The following KNTC1 variants were observed in gnomAD, a reference collection of about 807,000 sequenced individuals.
The protein encoded by KNTC1 is kinetochore-associated protein 1.
A neutral mutation model predicts 314.4 loss-of-function variants in KNTC1; 253 were observed. The observed-to-expected ratio is 0.80, with a 90% CI of 0.73 to 0.89. KNTC1 has a LOEUF of 0.89. Ranked by LOEUF, KNTC1 falls within the 40% of genes least tolerant of loss-of-function variation. KNTC1 has a pLI of 0.00. For missense variants in KNTC1, 2,475 were observed against 2,572.9 expected (o/e 0.96, Z 0.82); for synonymous variants, 901 against 901.4 (o/e 1.00, Z 0.01).
At chr12:122,569,100 A>G (rs1255050876) in intron 21 of KNTC1, among the ~76,000 whole-genome samples, 1 of 152,194 alleles carries the variant, frequency 6.6e-6, no homozygotes, top group African/African-American at 2.4e-5. Context: ...AATAATCTGT[A>G]CAACAAACCC....
intron 42 of KNTC1, among the ~76,000 whole-genome samples, chr12:122,591,814 C>T (rs1270515914): frequency 6.6e-6 from 1 of 152,188 alleles, no homozygotes; most frequent in Non-Finnish European, 1.5e-5. Flanking sequence ...GTATATACAG[C>T]TATATACCAT....
intron 30 of KNTC1, among the ~76,000 whole-genome samples, 153 bp from the exon 31 acceptor site, chr12:122,577,519 T>A (rs1317127660): frequency 3.9e-5 from 6 of 152,146 alleles, no homozygotes; most frequent in African/African-American, 1.4e-4. Context: ...TAAAATAAAA[T>A]AAAAATGGAT....
At chr12:122,544,120 T>C (rs771183791) in intron 7 of KNTC1, 39 bp from the exon 8 acceptor site, 12 of 809,020 alleles carry the variant, frequency 1.5e-5, no homozygotes, top group Non-Finnish European at 2.2e-5. Context: ...AGCATAAATA[T>C]GTATTATATA....
chr12:122,618,262 G>C (rs1211562607), intron 57 of KNTC1, 81 bp from the exon 58 acceptor site: 2 of 1,241,336 alleles, frequency 1.6e-6, no homozygotes, highest in South Asian at 1.3e-5. Flanking sequence ...GTGAGCCACC[G>C]CGCCTGGCCT....
rs541055107 is a variant in KNTC1, at chr12:122,622,603, T to C, written c.6511T>C (p.Leu2171=). The C allele has an allele frequency of 2.7e-6, 4 of 1,507,426 alleles. No individual in the cohort carries two copies. The highest frequency in any genetic ancestry group is 2.6e-5 in the Admixed American group (1 of 38,074). The allele number at this position is 1,507,426 out of a possible 1,614,324, so 93.4% of individuals were successfully genotyped here. A position where few individuals can be genotyped will look rare whatever the true frequency, so the allele number is the denominator to read the frequency against. ...TELVNYLAND[L]SLDEASVLIT... ...GCTAGTGAACTATTTGGCAAATGAC[T>C]TAAGGTAAGTTAATTAAAAAAAAAA... Residue 2171 remains leucine (L), a synonymous_variant, in exon 62 of 64, where the codon TTA becomes CTA. Coordinates refer to ENST00000333479, the MANE Select transcript of KNTC1 (RefSeq NM_014708.6).
chr12:122,563,387 G>A (rs992307423), intron 20 of KNTC1, among the ~76,000 whole-genome samples: 1 of 152,024 alleles, frequency 6.6e-6, no homozygotes, highest in Non-Finnish European at 1.5e-5. Context: ...GATTTATATT[G>A]GTTCTGTAGC....
At chr12:122,586,256 A>G (rs1266704597) in intron 37 of KNTC1, among the ~76,000 whole-genome samples, 1 of 151,926 alleles carries the variant, frequency 6.6e-6, no homozygotes, top group Non-Finnish European at 1.5e-5. Flanking sequence ...CTAATTTTGT[A>G]TTTTTAGTAG....
At chr12:122,550,585 C>T (rs942942453) in intron 13 of KNTC1, among the ~76,000 whole-genome samples, 4 of 152,128 alleles carry the variant, frequency 2.6e-5, no homozygotes, top group African/African-American at 9.7e-5. Context: ...TCACTACAGC[C>T]TCCAACTCCT....
intron 1 of KNTC1, among the ~76,000 whole-genome samples, chr12:122,527,917 A>G (rs1320202564): frequency 1.3e-5 from 2 of 152,180 alleles, no homozygotes; most frequent in Non-Finnish European, 2.9e-5. Context: ...TATCCATTTA[A>G]TCACTGTTTC....
intron 8 of KNTC1, among the ~76,000 whole-genome samples, chr12:122,544,829 C>G (rs1962639972): frequency 1.3e-5 from 2 of 152,108 alleles, no homozygotes; most frequent in Non-Finnish European, 2.9e-5. Flanking sequence ...CTTCACAAAT[C>G]CGTTGAATCT....
rs1204630767 is a variant in KNTC1, at chr12:122,575,600, G to C, written c.2440G>C (p.Ala814Pro). ...TGCGGCAGTGGTTCCTTGGAGTGCAGCTGTGGAGCAACTGGTGAAACAGCA... is the reference window on the plus strand; with the variant it reads ...TGCGGCAGTGGTTCCTTGGAGTGCACCTGTGGAGCAACTGGTGAAACAGCA... The part of the protein sequence containing the change: ...MYAAVVPWSA[A>P]VEQLVKQHLE... The change falls in exon 28 of 64, where the codon GCT becomes CCT. Residue 814 changes from alanine (A) to proline (P), a missense_variant. Coordinates refer to ENST00000333479, the MANE Select transcript of KNTC1 (RefSeq NM_014708.6). 6.3e-6 allele frequency: 10 copies of C among 1,598,618 alleles called. No individual in the cohort carries two copies. The highest frequency in any genetic ancestry group is 1.3e-5 in the African/African-American group (1 of 74,734).
chr12:122,572,742 A>G (rs1417111889), intron 24 of KNTC1, among the ~76,000 whole-genome samples, 195 bp from the exon 25 acceptor site: 1 of 152,126 alleles, frequency 6.6e-6, no homozygotes, highest in Admixed American at 6.5e-5. Context: ...AAGAGAAAAT[A>G]TCTTTCAGAT....
In KNTC1 at chr12:122,594,394, T is replaced by A. The variant is rs1870746583; in HGVS notation, c.4355+9T>A. On this transcript the variant is annotated intron_variant, in intron 43 of 63. Coordinates refer to ENST00000333479, the MANE Select transcript of KNTC1 (RefSeq NM_014708.6). ...ATTTTGGAATATTGCAGGTAATTCT[T>A]TAAACATTAACGGTATTTTTGCTGT... 2.1e-6 allele frequency: 3 copies of A among 1,409,118 alleles called. No homozygotes were observed. The highest frequency in any genetic ancestry group is 3.0e-6 in the Non-Finnish European group (3 of 1,000,562). The allele number at this position is 1,409,118 out of a possible 1,614,324, so 87.3% of individuals were successfully genotyped here. A position where few individuals can be genotyped will look rare whatever the true frequency, so the allele number is the denominator to read the frequency against.
intron 21 of KNTC1, among the ~76,000 whole-genome samples, chr12:122,569,062 A>G (rs528122038): frequency 5.3e-5 from 8 of 152,218 alleles, no homozygotes; most frequent in African/African-American, 1.9e-4. Context: ...ATAACTAATG[A>G]TTAATAGGCT....
intron 33 of KNTC1, 86 bp downstream of exon 33, chr12:122,580,756 C>G: frequency 1.2e-6 from 1 of 809,236 alleles, no homozygotes; most frequent in South Asian, 1.7e-5. Flanking sequence ...TGGCTGGGCG[C>G]AGTGGCTTAC....
chr12:122,592,240 C>T (rs1048892458), intron 42 of KNTC1, among the ~76,000 whole-genome samples: 16 of 152,348 alleles, frequency 1.1e-4, no homozygotes, highest in Non-Finnish European at 1.6e-4. Flanking sequence ...GCTTTCTCGC[C>T]GGGCCTTAGC....
chr12:122,550,235 C>T (rs1480119560), intron 13 of KNTC1, among the ~76,000 whole-genome samples: 1 of 152,058 alleles, frequency 6.6e-6, no homozygotes, highest in East Asian at 1.9e-4. Flanking sequence ...TTTCTTTTTA[C>T]ACACACACTG....
At chr12:122,597,967 A>C in intron 44 of KNTC1, 29 bp downstream of exon 44, 1 of 1,553,616 alleles carries the variant, frequency 6.4e-7, no homozygotes, top group Non-Finnish European at 8.9e-7. Flanking sequence ...GAATCGGGTC[A>C]TCTCAGCCAT....
At chr12:122,578,586 A>T (rs997220309) in intron 31 of KNTC1, among the ~76,000 whole-genome samples, 2 of 151,722 alleles carry the variant, frequency 1.3e-5, no homozygotes, top group African/African-American at 4.8e-5. Flanking sequence ...ACACCTGGCT[A>T]ATTTATGTAT....
Sources: gnomAD v4.1 joint callset for allele counts (sites outside exome capture counted in the v4.1 genomes callset) on GRCh38, gnomAD v4.1.1 for gene constraint, MANE v1.5 for transcripts, NCBI Gene and HGNC (gene_info 2026-07-23, HGNC 2026-07-21) for gene names.